Variants in CFAP99 observed in about 807,000 individuals in gnomAD.
The protein encoded by CFAP99 is cilia and flagella associated protein 99, also known as cilia- and flagella-associated protein 99.
In CFAP99, 84 loss-of-function variants were observed where a neutral mutation model predicts 82.7. The ratio of observed to expected loss-of-function variants is 1.02; its 90% CI spans 0.85 to 1.22. The LOEUF (loss-of-function observed/expected upper bound fraction) is 1.22, where lower values mean the gene tolerates loss of function less well. Among genes scored for constraint, CFAP99 ranks in the 50% most tolerant of loss-of-function variants. The pLI, the probability that CFAP99 is intolerant of heterozygous loss-of-function variation, is 0.00. For synonymous variants in CFAP99, 456 were observed against 429.5 expected (o/e 1.06, Z -0.76); for missense variants, 1,059 against 983.5 (o/e 1.08, Z -1.03).
In CFAP99 at chr4:2,446,423, C is replaced by T. The variant is rs1290792904; in HGVS notation, c.642+1115C>T. Among the ~76,000 whole-genome samples, 4 of 150,956 alleles carry T rather than the reference C, an allele frequency of 2.6e-5. No individual in the cohort carries two copies. The highest frequency in any genetic ancestry group is 1.9e-4 in the East Asian group (1 of 5,152). On this transcript the variant is annotated intron_variant, in intron 6 of 14. Transcript: ENST00000635017. The surrounding 1 kb of genome is among the most constrained non-coding windows in gnomAD (Gnocchi z 5.0). ...ATTATTATTATTTGAGACAGAGTCT[C>T]GCTCTGTCACCCAGGCTGGAGTGCA... is the stretch of plus-strand genomic sequence containing the variant.
At chr4:2,423,981 G>T (rs566450016) in intron 1 of CFAP99, among the ~76,000 whole-genome samples, 2 of 152,250 alleles carry the variant, frequency 1.3e-5, no homozygotes, top group African/African-American at 4.8e-5. Flanking sequence ...TGTTCTGGGA[G>T]GCCTGGTCTC....
chr4:2,452,337 G>T, exon 11 of CFAP99: 1 of 1,534,418 alleles, frequency 6.5e-7, no homozygotes, highest in Admixed American at 2.0e-5. Context: ...TGGAGCAGCA[G>T]AAGGAGCAGG....
rs915199281 is a variant in CFAP99 at position 2,445,216 on chromosome 4, G to A, written c.550G>A (p.Val184Ile). The change falls in exon 6 of 15, where the codon GTC becomes ATC. Residue 184 changes from valine (V) to isoleucine (I), a missense_variant. Coordinates refer to ENST00000635017, the Ensembl canonical transcript of CFAP99. ...CTCTCCTTTAAAGACCAAGGCCAAG[G>A]TCACAGAGCCCAAGGAATTCAACCT... 10 of 1,464,446 alleles carry A rather than the reference G, an allele frequency of 6.8e-6. No individual in the cohort carries two copies. The African/African-American group carries it at 1.2e-4, about 17-fold the overall frequency. The allele number at this position is 1,464,446 out of a possible 1,614,324, so 90.7% of individuals were successfully genotyped here.
chr4:2,456,578 G>A (rs1734442950), intron 11 of CFAP99, among the ~76,000 whole-genome samples: 1 of 152,152 alleles, frequency 6.6e-6, no homozygotes, highest in South Asian at 2.1e-4. Flanking sequence ...GGAGTGCAAT[G>A]GTGCGATCTC....
intron 1 of CFAP99, among the ~76,000 whole-genome samples, chr4:2,425,888 C>T (rs946165230): frequency 6.6e-6 from 1 of 152,146 alleles, no homozygotes; most frequent in South Asian, 2.1e-4. Context: ...CTCCCCAGGG[C>T]CCTGTTCCCC....
intron 4 of CFAP99, among the ~76,000 whole-genome samples, chr4:2,442,178 G>A (rs1734057682): frequency 6.6e-6 from 1 of 152,134 alleles, no homozygotes. Flanking sequence ...ATTGGGTGGG[G>A]GCAGGGACCA....
At chr4:2,438,809 T>C (rs944757423) in intron 4 of CFAP99, among the ~76,000 whole-genome samples, 2 of 152,064 alleles carry the variant, frequency 1.3e-5, no homozygotes, top group Non-Finnish European at 2.9e-5. Flanking sequence ...AAAAACCCAA[T>C]GCACACCAAC....
intron 1 of CFAP99, among the ~76,000 whole-genome samples, chr4:2,420,691 G>T (rs1733566199): frequency 6.6e-6 from 1 of 152,160 alleles, no homozygotes; most frequent in Admixed American, 6.5e-5. Flanking sequence ...GCCTAAACAA[G>T]AATATTACTC....
At chr4:2,426,196 C>T (rs1733678992) in intron 1 of CFAP99, among the ~76,000 whole-genome samples, 1 of 152,120 alleles carries the variant, frequency 6.6e-6, no homozygotes, top group Non-Finnish European at 1.5e-5. Flanking sequence ...GGTGAACTCA[C>T]CCAGGCCAGC....
At chr4:2,459,410 G>A (rs1734523634) in intron 13 of CFAP99, among the ~76,000 whole-genome samples, 152 bp downstream of exon 13, 1 of 152,208 alleles carries the variant, frequency 6.6e-6, no homozygotes. Flanking sequence ...CAACACCCAT[G>A]TGCCGCGGGC....
rs1578485392 is a variant in CFAP99 at position 2,460,322 on chromosome 4, G to A, written c.1661+80G>A. On this transcript the variant is annotated intron_variant, in intron 14 of 14. Transcript: ENST00000635017. ...GCCTGCCTTGCACCCTCCTGGGTGG[G>A]TCTCCTAGAAACAACCACCACCCTC... The A allele has an allele frequency of 6.8e-6, 9 of 1,322,420 alleles. No homozygotes were observed. In the East Asian group the frequency reaches 2.3e-4, roughly 33 times the overall value. The allele number at this position is 1,322,420 out of a possible 1,614,324, so 81.9% of individuals were successfully genotyped here.
chr4:2,454,581 C>G (rs112085550), intron 11 of CFAP99, among the ~76,000 whole-genome samples: 2 of 94,722 alleles, frequency 2.1e-5, no homozygotes, highest in Non-Finnish European at 4.2e-5. Flanking sequence ...TGTTTTTTTT[C>G]TTTTTTTTTT....
At chr4:2,451,081 C>T in intron 9 of CFAP99, 63 bp downstream of exon 9, 2 of 1,502,340 alleles carry the variant, frequency 1.3e-6, no homozygotes, top group Non-Finnish European at 1.8e-6. Context: ...CAGACCTTTT[C>T]TGCCCGTAGA....
chr4:2,462,366 T>A lies in CFAP99; in HGVS notation c.1662-77T>A. The A allele has an allele frequency of 7.5e-7, 1 of 1,325,196 alleles. No homozygotes were observed. The highest frequency in any genetic ancestry group is 1.6e-5 in the African/African-American group (1 of 64,122). The allele number at this position is 1,325,196 out of a possible 1,614,324, so 82.1% of individuals were successfully genotyped here. The stretch of plus-strand genomic sequence containing the variant: ...GCGTAGCTCCTTGCCCCCGCGTCGC[T>A]TGGACACGGGTGGCATCCTGGGTCT... On this transcript the variant is annotated intron_variant, in intron 14 of 14. Coordinates refer to ENST00000635017, the Ensembl canonical transcript of CFAP99. The surrounding 1 kb of genome is among the most constrained non-coding windows in gnomAD (Gnocchi z 4.1).
At chr4:2,450,092 C>A in intron 8 of CFAP99, 87 bp downstream of exon 8, 1 of 1,320,946 alleles carries the variant, frequency 7.6e-7, no homozygotes, top group South Asian at 1.3e-5. Flanking sequence ...TCGCAGTGAC[C>A]ACTTATGTAG....
chr4:2,450,168 C>G, intron 8 of CFAP99, 163 bp downstream of exon 8: 1 of 721,128 alleles, frequency 1.4e-6, no homozygotes, highest in East Asian at 2.7e-5. Context: ...TGCCTTGAGC[C>G]CACTGCGATG....
chr4:2,437,016 A>C, exon 3 of CFAP99: 1 of 1,535,894 alleles, frequency 6.5e-7, no homozygotes. Flanking sequence ...AGCCGCTTCG[A>C]GGGTAGGTGC....
At chr4:2,440,075 C>T in intron 4 of CFAP99, among the ~76,000 whole-genome samples, 1 of 151,144 alleles carries the variant, frequency 6.6e-6, no homozygotes, top group Non-Finnish European at 1.5e-5. Context: ...CTCCTGACCT[C>T]AGGTGATCCG....
Position 2,451,019 on chromosome 4 carries a change from G to T in CFAP99, c.867+1G>T. On this transcript the variant is annotated splice_donor_variant, in intron 9 of 14. Transcript: ENST00000635017. LOFTEE classifies it high-confidence loss of function. ...GACTCCGAAGCTGACCTTCTATAGGGTGAGGGGTGCTCCTGGATGGTCAGG... is the reference window on the plus strand; with the variant it reads ...GACTCCGAAGCTGACCTTCTATAGGTTGAGGGGTGCTCCTGGATGGTCAGG... The T allele has an allele frequency of 6.5e-7, 1 of 1,535,858 alleles. No individual in the cohort carries two copies. Among genetic ancestry groups the T allele is most frequent in the Middle Eastern group, 1.7e-4 (1 of 5,986 alleles).
Sources: gnomAD v4.1 joint callset for allele counts (sites outside exome capture counted in the v4.1 genomes callset) on GRCh38, gnomAD v4.1.1 for gene constraint, Gnocchi (gnomAD v3.1) non-coding constraint, MANE v1.5 for transcripts, NCBI Gene and HGNC (gene_info 2026-07-23, HGNC 2026-07-21) for gene names.